Variants in SRGAP3 observed in about 807,000 individuals in gnomAD.
SRGAP3 encodes SLIT-ROBO Rho GTPase activating protein 3, also known as SLIT-ROBO Rho GTPase-activating protein 3.
Under a neutral mutation model 121.1 loss-of-function variants are expected in SRGAP3, and 39 were observed. The ratio of observed to expected loss-of-function variants is 0.32; its 90% CI spans 0.25 to 0.42. The LOEUF is 0.42. Among genes scored for constraint, SRGAP3 ranks in the 10% least tolerant of loss-of-function variants. The probability of loss-of-function intolerance (pLI) is 1.00; values close to 1 mark genes in which losing one functional copy is unlikely to be tolerated. For synonymous variants in SRGAP3, 601 were observed against 570.0 expected (o/e 1.05, Z -0.77); for missense variants, 1,213 against 1,470.6 (o/e 0.82, Z 2.86).
chr3:9,282,556 T>C (rs540650023), intron 3 of SRGAP3, among the ~76,000 whole-genome samples: 38 of 152,152 alleles, frequency 2.5e-4, no homozygotes, highest in Non-Finnish European at 4.4e-4. Context: ...AGTGGTGAGA[T>C]CTCAGCTCAC....
intron 3 of SRGAP3, among the ~76,000 whole-genome samples, chr3:9,261,066 G>A (rs1954244827): frequency 6.6e-6 from 1 of 152,182 alleles, no homozygotes; most frequent in African/African-American, 2.4e-5. Context: ...AACAGGATCT[G>A]GAGTGGACCT....
intron 9 of SRGAP3, among the ~76,000 whole-genome samples, chr3:9,047,837 G>T (rs12635189): frequency 6.6e-6 from 1 of 152,182 alleles, no homozygotes; most frequent in Non-Finnish European, 1.5e-5. Context: ...GTGCTTCTGC[G>T]CCAAGAGCAA....
chr3:9,142,120 T>C (rs1949875298), intron 1 of SRGAP3, among the ~76,000 whole-genome samples: 1 of 152,250 alleles, frequency 6.6e-6, no homozygotes, highest in Non-Finnish European at 1.5e-5. Flanking sequence ...ACCTCATCTG[T>C]TTCCTCATTC....
intron 1 of SRGAP3, among the ~76,000 whole-genome samples, chr3:9,154,568 T>A (rs921586038): frequency 4.6e-5 from 7 of 152,098 alleles, no homozygotes; most frequent in Non-Finnish European, 1.0e-4. Context: ...ATTCCCAGTA[T>A]AAGCACCAAC....
chr3:9,163,421 C>T (rs1489361065), intron 1 of SRGAP3, among the ~76,000 whole-genome samples: 3 of 152,220 alleles, frequency 2.0e-5, no homozygotes, highest in Admixed American at 6.5e-5. Flanking sequence ...CTCCCTTCAC[C>T]GGCCTGACAT....
At chr3:9,162,573 A>G (rs1426624020) in intron 1 of SRGAP3, among the ~76,000 whole-genome samples, 2 of 152,182 alleles carry the variant, frequency 1.3e-5, no homozygotes, top group Non-Finnish European at 2.9e-5. Flanking sequence ...CCCTGGGATT[A>G]AGCCCCGCCA....
At chr3:9,271,720 A>G (rs1954481942) in intron 3 of SRGAP3, among the ~76,000 whole-genome samples, 1 of 152,220 alleles carries the variant, frequency 6.6e-6, no homozygotes, top group South Asian at 2.1e-4. Flanking sequence ...TAATAAGATG[A>G]AAAACCCTAC....
At chr3:9,278,030 C>G (rs2125263829) in intron 3 of SRGAP3, among the ~76,000 whole-genome samples, 1 of 152,296 alleles carries the variant, frequency 6.6e-6, no homozygotes, top group East Asian at 1.9e-4. Flanking sequence ...AGACCCTCAC[C>G]AGACACGGAA....
At chr3:9,168,769 C>T (rs1219688998) in intron 1 of SRGAP3, among the ~76,000 whole-genome samples, 9 of 152,318 alleles carry the variant, frequency 5.9e-5, no homozygotes, top group Admixed American at 4.6e-4. Context: ...AAAGGAAAAA[C>T]CTATTGATTC....
intron 1 of SRGAP3, chr3:9,219,447 G>A (rs950701293): frequency 6.6e-6 from 1 of 152,146 alleles, no homozygotes; most frequent in Non-Finnish European, 1.5e-5. Flanking sequence ...AGGCACACAG[G>A]TTATCACCTC....
chr3:9,179,563 ATAAGAG>A (rs1951302568), intron 1 of SRGAP3, among the ~76,000 whole-genome samples: 1 of 152,240 alleles, frequency 6.6e-6, no homozygotes. Context: ...ACATGATAAA[ATAAGAG>A]TAAGGTCACA....
At chr3:9,078,527 A>G (rs1947083369) in intron 4 of SRGAP3, among the ~76,000 whole-genome samples, 1 of 152,128 alleles carries the variant, frequency 6.6e-6, no homozygotes, top group Non-Finnish European at 1.5e-5. Context: ...AGTGATGATG[A>G]TGATAGTGAC....
At chr3:9,134,301 G>A (rs2125013338) in intron 1 of SRGAP3, among the ~76,000 whole-genome samples, 1 of 152,218 alleles carries the variant, frequency 6.6e-6, no homozygotes, top group African/African-American at 2.4e-5. Context: ...GGATGGAGAG[G>A]CACCACTCAC....
chr3:9,042,741 C>T lies in SRGAP3; in HGVS notation c.1408+4650G>A, dbSNP rs1945080564. ...ATAAAATTTTCAGGTAGACACAAGC[C>T]CTCCTGTTAGAGCTGATGGCAGCCC... On this transcript the variant is annotated intron_variant, in intron 10 of 21. Transcript: ENST00000383836. 3.3e-5 allele frequency among the ~76,000 whole-genome samples: 5 copies of T among 152,186 alleles called. No individual in the cohort carries two copies. In the South Asian group the frequency reaches 1.0e-3, roughly 32 times the overall value.
At position 8,993,009 on chromosome 3, in the gene SRGAP3, C is replaced by T; in HGVS notation, c.2455G>A (p.Ala819Thr). The T allele has an allele frequency of 6.2e-7, 1 of 1,614,234 alleles. No homozygotes were observed. Among genetic ancestry groups the T allele is most frequent in the South Asian group, 1.1e-5 (1 of 91,080 alleles). ...DSLSQKADSE[A>T]SSGPLLDDKA... ...TCATCCAGCAATGGCCCACTGCTGG[C>T]CTCGCTGTCAGCCTTCTGGCTCAGG... The change falls in exon 20 of 22, where the codon GCC (alanine) becomes ACC (threonine). Residue 819 changes from alanine (A) to threonine (T), a missense_variant. Ala to Thr is a moderately conservative substitution (Grantham distance 58). Coordinates refer to ENST00000383836, the MANE Select transcript of SRGAP3 (RefSeq NM_014850.4).
chr3:9,123,732 A>ATGTGTGTGTGTGTGTGGGTGTG (rs1949110059), intron 2 of SRGAP3, among the ~76,000 whole-genome samples: 1 of 139,072 alleles, frequency 7.2e-6, no homozygotes, highest in African/African-American at 2.9e-5. Flanking sequence ...ATATGTATAT[A>ATGTGTGTGTGTGTGTGGGTGTG]TGTGTGTGTG....
At position 9,255,644 on chromosome 3, in the gene SRGAP3, G is replaced by A. The variant is rs144499667; in HGVS notation, n.442+70366C>T. ...TGGGCTTGCCCTGGCACTTTGGGAT[G>A]GAGTCAGTCCCGAACAATCCACATG... is the stretch of plus-strand genomic sequence containing the variant. On this transcript the variant is annotated intron_variant and non_coding_transcript_variant, in intron 3 of 3. Coordinates refer to the SRGAP3 transcript ENST00000490889. Among the ~76,000 whole-genome samples, 358 of 152,242 alleles carry A rather than the reference G, an allele frequency of 2.4e-3. 3 individuals are homozygous for A. The highest frequency in any genetic ancestry group is 0.01 in the Middle Eastern group (3 of 294).
intron 19 of SRGAP3, chr3:8,994,021 G>A (rs1206443473): frequency 7.2e-6 from 3 of 414,018 alleles, no homozygotes; most frequent in Non-Finnish European, 1.4e-5. Context: ...GGCCTAGGAG[G>A]TGGAGGCACA....
chr3:9,064,187 G>T (rs995813460), intron 5 of SRGAP3, among the ~76,000 whole-genome samples: 3 of 152,220 alleles, frequency 2.0e-5, no homozygotes, highest in Admixed American at 6.5e-5. Flanking sequence ...CCTAACCAGT[G>T]TTAGCACGGG....
Sources: gnomAD v4.1 joint callset for allele counts (sites outside exome capture counted in the v4.1 genomes callset) on GRCh38, gnomAD v4.1.1 for gene constraint, MANE v1.5 for transcripts, NCBI Gene and HGNC (gene_info 2026-07-23, HGNC 2026-07-21) for gene names.